PRPF18: variants seen among roughly 807,000 people sequenced by gnomAD.
PRPF18 encodes pre-mRNA-splicing factor 18.
A neutral mutation model predicts 46.5 loss-of-function variants in PRPF18; 38 were observed. That is an observed-to-expected ratio of 0.82 (90% CI 0.63 to 1.07). PRPF18 has a LOEUF of 1.07. Ranked by LOEUF, PRPF18 falls within the 50% of genes least tolerant of loss-of-function variation. The probability of loss-of-function intolerance (pLI) is 0.00; values close to 1 mark genes in which losing one functional copy is unlikely to be tolerated. For missense variants in PRPF18, 263 were observed against 410.0 expected, an observed-to-expected ratio of 0.64 and a Z score of 3.10; for synonymous variants, 152 against 146.7, an observed-to-expected ratio of 1.04 and a Z score of -0.26.
chr10:13,605,437 C>T (rs541665997), intron 3 of PRPF18, among the ~76,000 whole-genome samples, 194 bp from the exon 4 acceptor site: 1 of 152,074 alleles, frequency 6.6e-6, no homozygotes, highest in East Asian at 1.9e-4. Context: ...CAAAAGTTAG[C>T]TGGGTGTGGT....
intron 1 of PRPF18, among the ~76,000 whole-genome samples, chr10:13,589,906 TG>T (rs2079932260): frequency 6.6e-6 from 1 of 152,272 alleles, no homozygotes; most frequent in South Asian, 2.1e-4. Flanking sequence ...TTATGTCTAC[TG>T]CAGGGACCTT....
At chr10:13,603,739 C>T (rs1024403785) in intron 3 of PRPF18, among the ~76,000 whole-genome samples, 5 of 152,234 alleles carry the variant, frequency 3.3e-5, no homozygotes, top group South Asian at 4.1e-4. Context: ...CTGTACTTCT[C>T]GCAAGTTGAC....
chr10:13,630,168 G>A, intron 9 of PRPF18, 92 bp from the exon 10 acceptor site: 1 of 1,049,888 alleles, frequency 9.5e-7, no homozygotes, highest in South Asian at 1.3e-5. Flanking sequence ...ATTTTATGGG[G>A]ACATTGACAA....
chr10:13,591,196 C>T (rs2079956384), intron 1 of PRPF18, among the ~76,000 whole-genome samples: 1 of 152,200 alleles, frequency 6.6e-6, no homozygotes, highest in Admixed American at 6.5e-5. Flanking sequence ...CATGGGAAGA[C>T]AGTCTTTAGA....
In PRPF18 at chr10:13,603,257, C is replaced by T. The variant is rs11818889; in HGVS notation, c.250-2374C>T. ...GGACTCAGAGGCTTAAGTTCTTTCA[C>T]TGATGTCCCTTTAGTCTCTGTGTCA... is the stretch of plus-strand genomic sequence containing the variant. On this transcript the variant is annotated intron_variant, in intron 3 of 9. Coordinates refer to ENST00000378572, the MANE Select transcript of PRPF18 (RefSeq NM_003675.4). 4.4e-3 allele frequency among the ~76,000 whole-genome samples: 659 copies of T among 151,070 alleles called. 4 individuals carry two copies. Among genetic ancestry groups the T allele is most frequent in the African/African-American group, 0.015 (636 of 41,148 alleles).
chr10:13,598,513 T>A (rs972374049), intron 2 of PRPF18, among the ~76,000 whole-genome samples: 1 of 152,144 alleles, frequency 6.6e-6, no homozygotes, highest in Non-Finnish European at 1.5e-5. Context: ...TTTGTAGTGC[T>A]GGGAGAAGAC....
chr10:13,647,137 C>A, the PRPF18 span: 1 of 164,476 alleles, frequency 6.1e-6, no homozygotes, highest in Non-Finnish European at 1.3e-5. Flanking sequence ...TGACAGGGCC[C>A]TGTGCTAATC....
Position 13,594,715 on chromosome 10 carries a change from G to A in PRPF18, c.67-2743G>A, listed in dbSNP as rs796988025. On this transcript the variant is annotated intron_variant, in intron 1 of 9. Coordinates refer to ENST00000378572, the MANE Select transcript of PRPF18 (RefSeq NM_003675.4). ...GTATTGGGAAGCTATTAAGCTCCTG[G>A]TGGTGGGTACAAGTTTTCCACTTTT... Among the ~76,000 whole-genome samples, 8 of 152,262 alleles carry A rather than the reference G, an allele frequency of 5.3e-5. 1 individual carries two copies. Among genetic ancestry groups the A allele is most frequent in the African/African-American group, 1.9e-4 (8 of 41,556 alleles).
chr10:13,614,141 GTAATATAA>G (rs1292049848), intron 8 of PRPF18, 55 bp downstream of exon 8: 2 of 1,270,944 alleles, frequency 1.6e-6, no homozygotes, highest in East Asian at 4.8e-5. Context: ...GGTTATGTAC[GTAATATAA>G]TGTTCATTTG....
At chr10:13,648,848 C>A in the PRPF18 span, 1 of 152,084 alleles carries the variant, frequency 6.6e-6, no homozygotes, top group African/African-American at 2.4e-5. Flanking sequence ...ATAAAACTTC[C>A]CTAAGGGGTT....
intron 4 of PRPF18, among the ~76,000 whole-genome samples, chr10:13,609,652 A>C (rs2080243213): frequency 6.6e-6 from 1 of 152,224 alleles, no homozygotes; most frequent in African/African-American, 2.4e-5. Context: ...AGTTCACAGT[A>C]GTTGAGGTTA....
In PRPF18 at chr10:13,616,445, C is replaced by T; in HGVS notation, c.840C>T (p.Pro280=). Residue 280 remains proline (P), a synonymous_variant, in exon 9 of 10, where the codon CCC becomes CCT. Coordinates refer to ENST00000378572, the MANE Select transcript of PRPF18 (RefSeq NM_003675.4). ...TGGCCATTGGAAATGCGCCTTGGCC[C>T]ATCGGTGTCACTATGGTTGGTATCC... ...LQMAIGNAPW[P]IGVTMVGIHA... 6.2e-7 allele frequency: 1 copy of T among 1,613,158 alleles called. No homozygotes were observed. Among genetic ancestry groups the T allele is most frequent in the Non-Finnish European group, 8.5e-7 (1 of 1,179,228 alleles).
intron 3 of PRPF18, among the ~76,000 whole-genome samples, chr10:13,604,168 G>C (rs982745297): frequency 6.6e-6 from 1 of 152,196 alleles, no homozygotes; most frequent in Non-Finnish European, 1.5e-5. Flanking sequence ...GATAGCACTA[G>C]ATGACCTCTT....
chr10:13,596,548 C>T (rs980345516), intron 1 of PRPF18, among the ~76,000 whole-genome samples: 24 of 152,096 alleles, frequency 1.6e-4, no homozygotes, highest in East Asian at 5.8e-4. Flanking sequence ...TTAATACAGT[C>T]GGGGACAGTG....
the PRPF18 span, among the ~76,000 whole-genome samples, chr10:13,650,544 T>C: frequency 6.6e-6 from 1 of 152,224 alleles, no homozygotes; most frequent in East Asian, 1.9e-4. Flanking sequence ...CTTTAGCAGA[T>C]GATCGCCCTC....
chr10:13,587,196 G>A, intron 1 of PRPF18, 44 bp downstream of exon 1: 1 of 1,571,230 alleles, frequency 6.4e-7, no homozygotes, highest in Non-Finnish European at 8.8e-7. Flanking sequence ...AAGAGTGAGA[G>A]TATGTGTGTC....
intron 4 of PRPF18, among the ~76,000 whole-genome samples, chr10:13,607,127 C>T (rs551519795): frequency 4.2e-4 from 64 of 152,242 alleles, no homozygotes; most frequent in Middle Eastern, 6.8e-3. Context: ...AGTCTCACTC[C>T]GTCACCTACG....
chr10:13,618,984 A>G (rs1459369994), intron 9 of PRPF18, among the ~76,000 whole-genome samples: 6 of 152,206 alleles, frequency 3.9e-5, no homozygotes, highest in Non-Finnish European at 5.9e-5. Flanking sequence ...CGGGGAGGTC[A>G]GGGGGATGGT....
At chr10:13,624,769 C>T (rs550956551) in intron 9 of PRPF18, among the ~76,000 whole-genome samples, 1 of 152,354 alleles carries the variant, frequency 6.6e-6, no homozygotes, top group Admixed American at 6.5e-5. Context: ...ATCTGAGTTA[C>T]TAACACTTAA....
Sources: gnomAD v4.1 joint callset for allele counts (sites outside exome capture counted in the v4.1 genomes callset) on GRCh38, gnomAD v4.1.1 for gene constraint, MANE v1.5 for transcripts, NCBI Gene and HGNC (gene_info 2026-07-23, HGNC 2026-07-21) for gene names.